CISD1: variants seen among roughly 807,000 people sequenced by gnomAD.
CISD1 encodes the protein CDGSH iron sulfur domain 1, also known as CDGSH iron-sulfur domain-containing protein 1.
A neutral mutation model predicts 12.0 loss-of-function variants in CISD1; 8 were observed. The ratio of observed to expected loss-of-function variants is 0.67; its 90% CI spans 0.39 to 1.20. The LOEUF is 1.20. Among genes scored for constraint, CISD1 ranks in the 50% most tolerant of loss-of-function variants. The pLI is 0.01. For missense variants in CISD1, 107 were observed against 132.7 expected (o/e 0.81, Z 0.95); for synonymous variants, 38 against 42.2 (o/e 0.90, Z 0.39).
chr10:58,286,336 C>CT (rs1554826983), intron 2 of CISD1, among the ~76,000 whole-genome samples: 3 of 152,062 alleles, frequency 2.0e-5, no homozygotes, highest in Non-Finnish European at 4.4e-5. Context: ...TAAATAGGTG[C>CT]TTTTACATGT....
chr10:58,271,667 T>C (rs892893368), intron 1 of CISD1, among the ~76,000 whole-genome samples: 1 of 152,168 alleles, frequency 6.6e-6, no homozygotes, highest in Non-Finnish European at 1.5e-5. Context: ...GTGACAGTGG[T>C]AAGCACTATA....
intron 1 of CISD1, among the ~76,000 whole-genome samples, chr10:58,272,532 A>G (rs554854911): frequency 1.3e-5 from 2 of 152,248 alleles, no homozygotes; most frequent in African/African-American, 2.4e-5. Flanking sequence ...CAAGTCATTT[A>G]AAGTCATTAT....
chr10:58,276,282 TAGTC>T (rs1282857056), intron 1 of CISD1: 2 of 152,176 alleles, frequency 1.3e-5, no homozygotes, highest in Non-Finnish European at 2.9e-5. Context: ...GATGGCTTGT[TAGTC>T]AGTTTTTTTA....
chr10:58,285,779 A>G (rs1839421833), intron 2 of CISD1, among the ~76,000 whole-genome samples: 1 of 152,238 alleles, frequency 6.6e-6, no homozygotes, highest in African/African-American at 2.4e-5. Flanking sequence ...AAATTATAAT[A>G]GTGATTAAAA....
intron 2 of CISD1, among the ~76,000 whole-genome samples, chr10:58,286,458 A>C (rs1839431169): frequency 6.6e-6 from 1 of 152,246 alleles, no homozygotes; most frequent in Non-Finnish European, 1.5e-5. Flanking sequence ...TGTGCTCTAC[A>C]GAAAACTATG....
At chr10:58,285,827 T>C (rs1839422369) in intron 2 of CISD1, among the ~76,000 whole-genome samples, 3 of 152,044 alleles carry the variant, frequency 2.0e-5, no homozygotes, top group South Asian at 4.1e-4. Context: ...ATACATGAGA[T>C]CTGAGGATGA....
At position 58,287,676 on chromosome 10, in the gene CISD1, A is replaced by G; in HGVS notation, c.*26A>G. ...ATGGACACTTTTGATGCTGCAAATC[A>G]GCTTGTCGTGAAGTTACCTGATTGT... On this transcript the variant is annotated 3_prime_UTR_variant, in exon 3 of 3. Coordinates refer to ENST00000333926, the MANE Select transcript of CISD1 (RefSeq NM_018464.5). The G allele has an allele frequency of 6.7e-7, 1 of 1,492,180 alleles. No homozygotes were observed. The highest frequency in any genetic ancestry group is 9.2e-7 in the Non-Finnish European group (1 of 1,081,854). The allele number at this position is 1,492,180 out of a possible 1,614,324, so 92.4% of individuals were successfully genotyped here. A position where few individuals can be genotyped will look rare whatever the true frequency, so the allele number is the denominator to read the frequency against.
At chr10:58,286,222 T>TA (rs959400144) in intron 2 of CISD1, among the ~76,000 whole-genome samples, 5 of 142,370 alleles carry the variant, frequency 3.5e-5, no homozygotes, top group South Asian at 2.2e-4. Context: ...AAAAAAAAAG[T>TA]AAAAAAAAGA....
chr10:58,284,597 T>C (rs1839408594), intron 2 of CISD1, among the ~76,000 whole-genome samples: 1 of 152,182 alleles, frequency 6.6e-6, no homozygotes, highest in African/African-American at 2.4e-5. Flanking sequence ...TTTAAGAATA[T>C]GAAGAAACAG....
intron 2 of CISD1, among the ~76,000 whole-genome samples, chr10:58,280,715 G>A (rs944739202): frequency 1.3e-5 from 2 of 152,058 alleles, no homozygotes; most frequent in Non-Finnish European, 2.9e-5. Flanking sequence ...TTTGGAAGGG[G>A]GACAAGAGCC....
intron 1 of CISD1, among the ~76,000 whole-genome samples, chr10:58,272,737 T>A (rs891952725): frequency 6.6e-6 from 1 of 152,070 alleles, no homozygotes; most frequent in Non-Finnish European, 1.5e-5. Flanking sequence ...GACAACATGG[T>A]GAAACCCCCG....
At chr10:58,283,304 A>G (rs985568080) in intron 2 of CISD1, among the ~76,000 whole-genome samples, 1 of 152,112 alleles carries the variant, frequency 6.6e-6, no homozygotes, top group African/African-American at 2.4e-5. Context: ...TAAAAATCTT[A>G]ATTTATCTTT....
chr10:58,286,464 CTA>C (rs777617178), intron 2 of CISD1, among the ~76,000 whole-genome samples: 8 of 152,140 alleles, frequency 5.3e-5, no homozygotes, highest in Non-Finnish European at 1.2e-4. Flanking sequence ...CTACAGAAAA[CTA>C]TGATAATAGA....
At chr10:58,273,200 G>A (rs1839269019) in intron 1 of CISD1, among the ~76,000 whole-genome samples, 1 of 152,090 alleles carries the variant, frequency 6.6e-6, no homozygotes, top group Admixed American at 6.6e-5. Flanking sequence ...TAAGAGCAAT[G>A]CAGTGTAAGG....
intron 2 of CISD1, among the ~76,000 whole-genome samples, chr10:58,281,515 A>G (rs1588982104): frequency 6.6e-6 from 1 of 152,334 alleles, no homozygotes; most frequent in East Asian, 1.9e-4. Flanking sequence ...AAGTTAACAA[A>G]TGTTGTTATT....
Position 58,269,198 on chromosome 10 carries a change from A to G in CISD1, c.-76A>G, listed in dbSNP as rs1354226446. On this transcript the variant is annotated 5_prime_UTR_variant, in exon 1 of 3. Coordinates refer to ENST00000333926, the MANE Select transcript of CISD1 (RefSeq NM_018464.5). The stretch of plus-strand genomic sequence containing the variant: ...GTCGGTGCTTTAGTACGCCGCTGGC[A>G]CCTTTACTCTCGCCGGCCGCGCGAA... 35 of 1,488,938 alleles carry G rather than the reference A, an allele frequency of 2.4e-5. No homozygotes were observed. The highest frequency in any genetic ancestry group is 5.0e-5 in the Admixed American group (3 of 59,742). 92.2% of individuals were successfully genotyped at this position (1,488,938 alleles called of 1,614,324 possible). A position where few individuals can be genotyped will look rare whatever the true frequency, so the allele number is the denominator to read the frequency against.
chr10:58,277,875 T>A (rs1588981163), intron 2 of CISD1, among the ~76,000 whole-genome samples: 1 of 152,248 alleles, frequency 6.6e-6, no homozygotes, highest in East Asian at 1.9e-4. Context: ...TTTTGAGCTT[T>A]CAAGCACCAG....
chr10:58,274,219 A>G (rs550701659), intron 1 of CISD1, among the ~76,000 whole-genome samples: 44 of 152,130 alleles, frequency 2.9e-4, no homozygotes, highest in Non-Finnish European at 5.6e-4. Flanking sequence ...ATAGGCATAT[A>G]CCCATTTATC....
At chr10:58,277,619 T>C (rs923962327) in intron 2 of CISD1, among the ~76,000 whole-genome samples, 1 of 145,778 alleles carries the variant, frequency 6.9e-6, no homozygotes, top group Admixed American at 6.8e-5. Flanking sequence ...TTTTTTTTTT[T>C]AATGAATCCT....
Sources: gnomAD v4.1 joint callset for allele counts (sites outside exome capture counted in the v4.1 genomes callset) on GRCh38, gnomAD v4.1.1 for gene constraint, MANE v1.5 for transcripts, NCBI Gene and HGNC (gene_info 2026-07-23, HGNC 2026-07-21) for gene names.